The following PSCA variants were observed in gnomAD, a reference collection of about 807,000 sequenced individuals.
PSCA encodes the protein prostate stem cell antigen.
A neutral mutation model predicts 7.9 loss-of-function variants in PSCA; 7 were observed. The ratio of observed to expected loss-of-function variants is 0.89; its 90% confidence interval spans 0.51 to 1.67. PSCA has a LOEUF of 1.67. PSCA is among the 40% of genes most tolerant of loss of function. The pLI, the probability that PSCA is intolerant of heterozygous loss-of-function variation, is 0.00. For synonymous variants in PSCA, 61 were observed against 68.3 expected, an observed-to-expected ratio of 0.89 and a Z score of 0.53; for missense variants, 151 against 147.9, an observed-to-expected ratio of 1.02 and a Z score of -0.11.
In PSCA at chr8:142,681,936, T is replaced by G. The variant is rs781787830; in HGVS notation, c.149T>G (p.Leu50Arg). The G allele has an allele frequency of 6.4e-7, 1 of 1,553,462 alleles. No individual in the cohort carries two copies. The highest frequency in any genetic ancestry group is 8.7e-7 in the Non-Finnish European group (1 of 1,146,024). The change falls in exon 3 of 3, where the codon CTG (leucine) becomes CGG (arginine). Residue 50 changes from leucine to arginine, a missense_variant. By Grantham distance (102) the Leu-to-Arg change is moderately radical. Coordinates refer to ENST00000301258, the MANE Select transcript of PSCA (RefSeq NM_005672.5). ...TGCTCCCCAGGCGCAGTTGGCCTCC[T>G]GACCGTCATCAGCAAAGGCTGCAGC... Reference protein sequence around the residue: ...WTARIRAVGLLTVISKGCSLN... With the variant: ...WTARIRAVGLRTVISKGCSLN...
At chr8:142,672,637 T>TG (rs1554637479) in intron 1 of PSCA, among the ~76,000 whole-genome samples, 1 of 152,116 alleles carries the variant, frequency 6.6e-6, no homozygotes, top group African/African-American at 2.4e-5. Context: ...GGTAAATACC[T>TG]GGGGTTCATT....
chr8:142,681,954 G>T lies in PSCA; in HGVS notation c.167G>T (p.Gly56Val), dbSNP rs782523156. 6.3e-7 allele frequency: 1 copy of T among 1,583,978 alleles called. No homozygotes were observed. The highest frequency in any genetic ancestry group is 8.6e-7 in the Non-Finnish European group (1 of 1,163,490). ...GGCCTCCTGACCGTCATCAGCAAAG[G>T]CTGCAGCTTGAACTGCGTGGATGAC... Reference protein sequence around the residue: ...AVGLLTVISKGCSLNCVDDSQ... With the variant: ...AVGLLTVISKVCSLNCVDDSQ... Residue 56 changes from glycine to valine, a missense_variant, in exon 3 of 3, where the codon GGC (glycine) becomes GTC (valine). Transcript: ENST00000301258.
At chr8:142,681,734 T>C (rs2129875501) in intron 2 of PSCA, 187 bp from the exon 3 acceptor site, 1 of 612,374 alleles carries the variant, frequency 1.6e-6, no homozygotes, top group East Asian at 2.8e-5. Context: ...GGGTGGTCCA[T>C]CTGCCTCGGA....
chr8:142,677,610 G>A (rs1847413675), upstream of PSCA, among the ~76,000 whole-genome samples: 2 of 152,200 alleles, frequency 1.3e-5, no homozygotes, highest in African/African-American at 4.8e-5. Context: ...GGGCGAGCTG[G>A]GGCGGGGGGC....
At chr8:142,681,512 C>CTA in intron 2 of PSCA, 78 bp downstream of exon 2, 1 of 1,339,828 alleles carries the variant, frequency 7.5e-7, no homozygotes, top group Admixed American at 2.0e-5. Flanking sequence ...CTGTCCGCAT[C>CTA]TGTGTGCTGT....
intron 1 of PSCA, among the ~76,000 whole-genome samples, chr8:142,674,298 G>GT (rs1563802952): frequency 7.7e-6 from 1 of 129,234 alleles, no homozygotes; most frequent in African/African-American, 3.2e-5. Context: ...GCTGGGAATC[G>GT]TTTCAGTCTA....
Position 142,680,547 on chromosome 8 carries a change from C to T in PSCA, c.9C>T (p.Gly3=). MA[G]LALQPGTALL... is the part of the protein sequence containing the mutation. Reference sequence around the variant, plus strand: ...TGCTGCTTGCCCTGTTGATGGCAGGCTTGGCCCTGCAGCCAGGTGAGGCCT... The same window carrying T: ...TGCTGCTTGCCCTGTTGATGGCAGGTTTGGCCCTGCAGCCAGGTGAGGCCT... The change falls in exon 1 of 3, where the codon GGC becomes GGT. Residue 3 remains glycine, a synonymous_variant. Coordinates refer to ENST00000301258, the MANE Select transcript of PSCA (RefSeq NM_005672.5). 1 of 1,554,300 alleles carries T rather than the reference C, an allele frequency of 6.4e-7. No individual in the cohort carries two copies. Among genetic ancestry groups the T allele is most frequent in the Non-Finnish European group, 8.7e-7 (1 of 1,148,400 alleles).
chr8:142,681,917 C>T lies in PSCA; in HGVS notation c.134-4C>T. 6.6e-7 allele frequency: 1 copy of T among 1,526,218 alleles called. No homozygotes were observed. Among genetic ancestry groups the T allele is most frequent in the South Asian group, 1.3e-5 (1 of 79,766 alleles). 94.5% of individuals were successfully genotyped at this position (1,526,218 alleles called of 1,614,324 possible). A position where few individuals can be genotyped will look rare whatever the true frequency, so the allele number is the denominator to read the frequency against. ...CCCCATCCCCGGATCCCGCTGCTCC[C>T]CAGGCGCAGTTGGCCTCCTGACCGT... On this transcript the variant is annotated splice_polypyrimidine_tract_variant and splice_region_variant and intron_variant, in intron 2 of 2. Transcript: ENST00000301258.
Position 142,682,581 on chromosome 8 carries a change from C to CA in PSCA, c.*450dup. The CA allele has an allele frequency of 7.8e-6, 3 of 382,700 alleles. No individual in the cohort carries two copies. Among genetic ancestry groups the CA allele is most frequent in the Non-Finnish European group, 1.6e-5 (3 of 190,078 alleles). 23.7% of individuals were successfully genotyped at this position (382,700 alleles called of 1,614,324 possible). ...AAGTGGACTGAGTAGAACTGGAGGA[C>CA]AGGAGTCGACGTGAGTTCCTGGGAG... On this transcript the variant is annotated 3_prime_UTR_variant, in exon 3 of 3. Transcript: ENST00000301258.
chr8:142,675,392 G>C (rs1304053220), intron 1 of PSCA, among the ~76,000 whole-genome samples: 1 of 152,182 alleles, frequency 6.6e-6, no homozygotes, highest in South Asian at 2.1e-4. Flanking sequence ...CCAGGAAAAG[G>C]CACCTCCTCT....
intron 1 of PSCA, among the ~76,000 whole-genome samples, chr8:142,671,849 T>C (rs1180416948): frequency 6.6e-6 from 1 of 152,174 alleles, no homozygotes; most frequent in Non-Finnish European, 1.5e-5. Context: ...CTTAGGTCCG[T>C]TGTTACCTGG....
upstream of PSCA, among the ~76,000 whole-genome samples, chr8:142,678,972 CATGAGAGCT>C (rs1847430441): frequency 1.3e-5 from 2 of 151,778 alleles, no homozygotes; most frequent in Non-Finnish European, 2.9e-5. Flanking sequence ...AGCTGACTGG[CATGAGAGCT>C]TGGGCCTGCT....
chr8:142,682,509 C>G lies in PSCA; in HGVS notation c.*377C>G, dbSNP rs1814670997. ...GGTCTGGTCCGTGGTGTCCCCCGCA[C>G]CCAGCAGGGGACAGGCACTCAGGAG... On this transcript the variant is annotated 3_prime_UTR_variant, in exon 3 of 3. Coordinates refer to ENST00000301258, the MANE Select transcript of PSCA (RefSeq NM_005672.5). 2.0e-6 allele frequency: 1 copy of G among 508,412 alleles called. No individual in the cohort carries two copies. The allele number at this position is 508,412 out of a possible 1,614,324, so 31.5% of individuals were successfully genotyped here.
chr8:142,679,264 C>T (rs1256107359), upstream of PSCA, among the ~76,000 whole-genome samples: 2 of 152,230 alleles, frequency 1.3e-5, no homozygotes, highest in South Asian at 4.1e-4. Context: ...TGCACTTCCC[C>T]GACTCGTTTG....
rs782589539 is a variant in PSCA at position 142,681,435 on chromosome 8, G to A, written c.133+1G>A. On this transcript the variant is annotated splice_donor_variant, in intron 2 of 2. Transcript: ENST00000301258. LOFTEE classifies it high-confidence loss of function. Reference sequence around the variant, plus strand: ...GAGCAGTGCTGGACCGCGCGCATCCGTGAGTGGGGGGACGACAGCCGCCAG... The same window carrying A: ...GAGCAGTGCTGGACCGCGCGCATCCATGAGTGGGGGGACGACAGCCGCCAG... The A allele has an allele frequency of 2.8e-5, 44 of 1,584,426 alleles. No homozygotes were observed. Among genetic ancestry groups the A allele is most frequent in the African/African-American group, 1.5e-4 (11 of 74,240 alleles).
chr8:142,681,884 C>T (rs1454727526), intron 2 of PSCA, 37 bp from the exon 3 acceptor site: 4 of 1,452,588 alleles, frequency 2.8e-6, no homozygotes, highest in African/African-American at 2.8e-5. Context: ...GGTGAGCACA[C>T]AGGGCAGCCC....
At chr8:142,680,826 G>T in intron 1 of PSCA, 1 of 581,824 alleles carries the variant, frequency 1.7e-6, no homozygotes, top group Non-Finnish European at 3.1e-6. Flanking sequence ...GCAGGGCCTG[G>T]CTCCTAGGGG....
rs782033406 is a variant in PSCA, at chr8:142,680,564, G to C, written c.25+1G>C. The C allele has an allele frequency of 6.4e-7, 1 of 1,554,174 alleles. No homozygotes were observed. The highest frequency in any genetic ancestry group is 1.2e-5 in the South Asian group (1 of 84,226). ...ATGGCAGGCTTGGCCCTGCAGCCAG[G>C]TGAGGCCTTGGCTGGCCCCCAGCAG... On this transcript the variant is annotated splice_donor_variant, in intron 1 of 2. Transcript: ENST00000301258. LOFTEE classifies it high-confidence loss of function.
At position 142,681,741 on chromosome 8, in the gene PSCA, C is replaced by G; in HGVS notation, c.134-180C>G. On this transcript the variant is annotated intron_variant, in intron 2 of 2. Coordinates refer to ENST00000301258, the MANE Select transcript of PSCA (RefSeq NM_005672.5). Reference sequence around the variant, plus strand: ...CGCTCAGCGGGTGGTCCATCTGCCTCGGACATCTGGATAGGGCTGAGACCA... The same window carrying G: ...CGCTCAGCGGGTGGTCCATCTGCCTGGGACATCTGGATAGGGCTGAGACCA... The G allele has an allele frequency of 8.1e-6, 5 of 616,850 alleles. No homozygotes were observed. The South Asian group carries it at 9.8e-5, about 12-fold the overall frequency. 38.2% of individuals were successfully genotyped at this position (616,850 alleles called of 1,614,324 possible).
Sources: allele counts gnomAD v4.1 joint callset (sites outside exome capture counted in the v4.1 genomes callset), GRCh38; gene constraint gnomAD v4.1.1; transcripts MANE v1.5; gene names NCBI Gene and HGNC (gene_info 2026-07-23, HGNC 2026-07-21).